The following RBPMS variants were observed in gnomAD, a reference collection of about 807,000 sequenced individuals.
RBPMS encodes RNA-binding protein with multiple splicing.
RBPMS carries 7 observed loss-of-function variants against 26.8 expected under a neutral mutation model. That is an observed-to-expected ratio of 0.26 (90% CI 0.15 to 0.49). The LOEUF (loss-of-function observed/expected upper bound fraction) is 0.49, where lower values mean the gene tolerates loss of function less well. Ranked by LOEUF, RBPMS falls within the 20% of genes least tolerant of loss-of-function variation. The pLI is 0.98. For missense variants in RBPMS, 186 were observed against 250.0 expected, an observed-to-expected ratio of 0.74 and a Z score of 1.73; for synonymous variants, 96 against 93.3, an observed-to-expected ratio of 1.03 and a Z score of -0.17.
chr8:30,447,029 T>C (rs535033967), intron 1 of RBPMS: 16 of 152,258 alleles, frequency 1.1e-4, no homozygotes, highest in East Asian at 3.9e-4. Context: ...AAAGCTCTTA[T>C]TTTATTTTTG....
intron 1 of RBPMS, among the ~76,000 whole-genome samples, chr8:30,414,608 AT>A (rs1809842817): frequency 6.6e-6 from 1 of 152,250 alleles, no homozygotes; most frequent in South Asian, 2.1e-4. Flanking sequence ...CAGAAAACAA[AT>A]TCAAAACACA....
chr8:30,545,424 T>C, intron 6 of RBPMS: 1 of 1,027,480 alleles, frequency 9.7e-7, no homozygotes, highest in South Asian at 3.7e-5. Context: ...TCACCACTCA[T>C]TCTTTGGCCT....
intron 4 of RBPMS, among the ~76,000 whole-genome samples, chr8:30,499,459 A>C (rs867263003): frequency 1.3e-5 from 2 of 152,228 alleles, no homozygotes; most frequent in South Asian, 4.1e-4. Flanking sequence ...GCATCTTTAC[A>C]ATAGAGAAAC....
At position 30,558,875 on chromosome 8, in the gene RBPMS, A is replaced by G. The variant is rs768578034; in HGVS notation, c.529-12A>G. The stretch of plus-strand genomic sequence containing the variant: ...GAGCCCTGGCTCACGGCCTTCTCCC[A>G]TGTCTTTTCAGATGCGCTGGCTCCC... On this transcript the variant is annotated splice_polypyrimidine_tract_variant and intron_variant, in intron 6 of 8. Coordinates refer to ENST00000397323, the MANE Select transcript of RBPMS (RefSeq NM_001008710.3). 14 of 1,613,586 alleles carry G rather than the reference A, an allele frequency of 8.7e-6. No homozygotes were observed. The highest frequency in any genetic ancestry group is 1.2e-5 in the Non-Finnish European group (14 of 1,179,700).
chr8:30,529,344 T>A (rs1823951025), intron 5 of RBPMS, among the ~76,000 whole-genome samples: 1 of 151,910 alleles, frequency 6.6e-6, no homozygotes, highest in Non-Finnish European at 1.5e-5. Flanking sequence ...TTTCCAAAAC[T>A]TTTTCATCAC....
At chr8:30,445,433 G>A (rs533008896) in intron 1 of RBPMS, 1 of 151,870 alleles carries the variant, frequency 6.6e-6, no homozygotes, top group South Asian at 2.1e-4. Flanking sequence ...TAATTCAAAA[G>A]AATTACATCT....
At chr8:30,513,623 C>T (rs1821972672) in intron 5 of RBPMS, among the ~76,000 whole-genome samples, 1 of 145,546 alleles carries the variant, frequency 6.9e-6, no homozygotes, top group Non-Finnish European at 1.5e-5. Flanking sequence ...AAATCAGGGA[C>T]TCGAATCTCC....
chr8:30,466,112 G>C (rs1030727348), intron 1 of RBPMS, among the ~76,000 whole-genome samples: 1 of 152,102 alleles, frequency 6.6e-6, no homozygotes, highest in African/African-American at 2.4e-5. Flanking sequence ...GTATGAATTT[G>C]GTTATTCTAC....
chr8:30,438,722 T>G (rs1046344665), intron 1 of RBPMS, among the ~76,000 whole-genome samples: 1 of 152,224 alleles, frequency 6.6e-6, no homozygotes, highest in African/African-American at 2.4e-5. Context: ...ATTTTTGTCA[T>G]CAAGTTCGCA....
chr8:30,448,161 G>A (rs930054919), intron 1 of RBPMS, among the ~76,000 whole-genome samples: 1 of 152,184 alleles, frequency 6.6e-6, no homozygotes, highest in African/African-American at 2.4e-5. Flanking sequence ...AATAAATTAG[G>A]CTTGTTCTAA....
At chr8:30,532,978 C>T (rs1824393883) in intron 5 of RBPMS, among the ~76,000 whole-genome samples, 1 of 152,122 alleles carries the variant, frequency 6.6e-6, no homozygotes. Flanking sequence ...GATACTCAAC[C>T]AGAGTTTGCC....
chr8:30,520,083 G>C (rs905090040), intron 5 of RBPMS, among the ~76,000 whole-genome samples: 1 of 152,152 alleles, frequency 6.6e-6, no homozygotes, highest in Non-Finnish European at 1.5e-5. Context: ...TAAACTAAGA[G>C]GGGTTTGTGG....
chr8:30,385,213 C>T (rs1052127327), intron 1 of RBPMS, 55 bp downstream of exon 1: 5 of 1,309,210 alleles, frequency 3.8e-6, no homozygotes, highest in Admixed American at 3.8e-5. Flanking sequence ...GTGCGGGCGG[C>T]CGGCGGGGCG....
At chr8:30,487,021 C>T (rs1818863414) in intron 4 of RBPMS, among the ~76,000 whole-genome samples, 1 of 152,162 alleles carries the variant, frequency 6.6e-6, no homozygotes, top group Non-Finnish European at 1.5e-5. Context: ...TAATTTGCCT[C>T]TGTTATAAAT....
intron 6 of RBPMS, among the ~76,000 whole-genome samples, chr8:30,551,035 A>G: frequency 6.6e-6 from 1 of 152,106 alleles, no homozygotes; most frequent in East Asian, 1.9e-4. Context: ...TATTCTCCTC[A>G]GCCTCATTTC....
chr8:30,410,190 A>T (rs1029826219), intron 1 of RBPMS, among the ~76,000 whole-genome samples: 87 of 143,828 alleles, frequency 6.0e-4, no homozygotes, highest in African/African-American at 1.9e-3. Flanking sequence ...ACACACACAC[A>T]CTTAACTGCT....
intron 7 of RBPMS, among the ~76,000 whole-genome samples, chr8:30,562,817 C>T (rs1206866799): frequency 3.9e-5 from 6 of 152,132 alleles, no homozygotes; most frequent in East Asian, 3.9e-4. Flanking sequence ...GGAGTGATGC[C>T]GTCCTTCCAA....
chr8:30,419,281 A>T (rs959923845), intron 1 of RBPMS, among the ~76,000 whole-genome samples: 1 of 152,130 alleles, frequency 6.6e-6, no homozygotes, highest in Non-Finnish European at 1.5e-5. Flanking sequence ...CCCCATCTCT[A>T]TTAAAAATAC....
chr8:30,385,015 A>C lies in RBPMS; in HGVS notation c.-78A>C. 1.7e-6 allele frequency: 2 copies of C among 1,166,022 alleles called. No homozygotes were observed. Among genetic ancestry groups the C allele is most frequent in the Non-Finnish European group, 1.1e-6 (1 of 876,976 alleles). The allele number at this position is 1,166,022 out of a possible 1,614,324, so 72.2% of individuals were successfully genotyped here. A position where few individuals can be genotyped will look rare whatever the true frequency, so the allele number is the denominator to read the frequency against. The stretch of plus-strand genomic sequence containing the variant: ...CCGAGGGAGCCCCGGCGCCCGGGGA[A>C]GGCTCCAGTGGGCTAGCGCGCCCTC... On this transcript the variant is annotated 5_prime_UTR_variant, in exon 1 of 9. Transcript: ENST00000397323.
Sources: gnomAD v4.1 joint callset for allele counts (sites outside exome capture counted in the v4.1 genomes callset) on GRCh38, gnomAD v4.1.1 for gene constraint, MANE v1.5 for transcripts, NCBI Gene and HGNC (gene_info 2026-07-23, HGNC 2026-07-21) for gene names.